Variants in SPEN observed in about 807,000 individuals in gnomAD.
SPEN encodes spen family transcriptional repressor.
Under a neutral mutation model 269.9 loss-of-function variants are expected in SPEN, and 18 were observed. That is an observed-to-expected ratio of 0.07 (90% CI 0.05 to 0.10). The LOEUF (loss-of-function observed/expected upper bound fraction) is 0.10, where lower values mean the gene tolerates loss of function less well. SPEN is among the 10% of genes least tolerant of loss of function. The pLI, the probability that SPEN is intolerant of heterozygous loss-of-function variation, is 1.00. For synonymous variants in SPEN, 1,726 were observed against 1,765.7 expected, an observed-to-expected ratio of 0.98 and a Z score of 0.56; for missense variants, 3,822 against 4,631.2, an observed-to-expected ratio of 0.83 and a Z score of 5.07.
Position 15,935,609 on chromosome 1 carries a change from G to C in SPEN, c.9369G>C (p.Pro3123=). 6.2e-7 allele frequency: 1 copy of C among 1,614,060 alleles called. No individual in the cohort carries two copies. Among genetic ancestry groups the C allele is most frequent in the Non-Finnish European group, 8.5e-7 (1 of 1,179,990 alleles). ...AAGCGCTTCACTCTCCTCGGGCTCC[G>C]CTGCAGCCCCAGCAAATAGAGGTCA... The part of the protein sequence containing the change: ...RPEALHSPRA[P]LQPQQIEVRA... Residue 3123 remains proline, a synonymous_variant, in exon 11 of 15, where the codon CCG becomes CCC. Transcript: ENST00000375759. The surrounding 1 kb of genome is among the most constrained non-coding windows in gnomAD (Gnocchi z 7.7).
At chr1:15,916,948 T>C (rs915871384) in intron 6 of SPEN, among the ~76,000 whole-genome samples, 2 of 152,120 alleles carry the variant, frequency 1.3e-5, no homozygotes, top group Admixed American at 1.3e-4. Context: ...GGCAACATGG[T>C]GAAACCCTGT....
At chr1:15,864,607 G>GATTTTTTTT (rs2070481019) in intron 1 of SPEN, among the ~76,000 whole-genome samples, 1 of 82,612 alleles carries the variant, frequency 1.2e-5, no homozygotes, top group South Asian at 3.7e-4. Flanking sequence ...AGGTTTGTGG[G>GATTTTTTTT]TTTTTTTTTT....
Position 15,939,314 on chromosome 1 carries a change from A to G in SPEN, c.10882A>G (p.Ile3628Val). 1.3e-6 allele frequency: 2 copies of G among 1,593,930 alleles called. No homozygotes were observed. Among genetic ancestry groups the G allele is most frequent in the Non-Finnish European group, 1.7e-6 (2 of 1,169,848 alleles). ...GSNQPAYVLQ[I>V]FPPCEFSESH... ...TCTCCAGCCTGCCTACGTGCTGCAG[A>G]TCTTCCCGCCCTGTGAGTTCTCTGA... Residue 3628 changes from isoleucine (I) to valine (V), a missense_variant, in exon 15 of 15, where the codon ATC becomes GTC. By Grantham distance (29) the Ile-to-Val change is conservative (BLOSUM62 3). Coordinates refer to ENST00000375759, the MANE Select transcript of SPEN (RefSeq NM_015001.3). The surrounding 1 kb of genome is among the most constrained non-coding windows in gnomAD (Gnocchi z 4.1).
At chr1:15,905,571 T>C (rs1341053791) in intron 3 of SPEN, among the ~76,000 whole-genome samples, 1 of 151,718 alleles carries the variant, frequency 6.6e-6, no homozygotes, top group Non-Finnish European at 1.5e-5. Flanking sequence ...GCCTTATTAA[T>C]GATTTCTTTT....
intron 1 of SPEN, among the ~76,000 whole-genome samples, chr1:15,864,102 T>G (rs906150776): frequency 6.6e-6 from 1 of 151,828 alleles, no homozygotes; most frequent in Admixed American, 6.6e-5. Context: ...CTGTATGATA[T>G]ACATATATGA....
chr1:15,854,974 A>G (rs2070371065), intron 1 of SPEN, among the ~76,000 whole-genome samples: 1 of 152,192 alleles, frequency 6.6e-6, no homozygotes, highest in Admixed American at 6.5e-5. Flanking sequence ...TGGCTCTATA[A>G]AATCCTAACT....
At chr1:15,915,890 T>C (rs1239633050) in intron 5 of SPEN, among the ~76,000 whole-genome samples, 1 of 150,992 alleles carries the variant, frequency 6.6e-6, no homozygotes, top group Non-Finnish European at 1.5e-5. Context: ...TTAAACAAAG[T>C]GTTACTTTAG....
intron 10 of SPEN, among the ~76,000 whole-genome samples, chr1:15,927,757 T>C (rs1376568653): frequency 6.6e-6 from 1 of 152,224 alleles, no homozygotes; most frequent in African/African-American, 2.4e-5. Context: ...AATTTTAAAT[T>C]TTCTAGTAGC....
intron 3 of SPEN, among the ~76,000 whole-genome samples, chr1:15,902,008 A>G (rs2070906576): frequency 6.8e-6 from 1 of 147,088 alleles, no homozygotes; most frequent in Admixed American, 7.0e-5. Flanking sequence ...GGCTCGCTGC[A>G]ACCTCCACTT....
Position 15,929,129 on chromosome 1 carries a change from C to T in SPEN, c.2889C>T (p.His963=). The T allele has an allele frequency of 3.1e-6, 5 of 1,614,182 alleles. No homozygotes were observed. The South Asian group carries it at 3.3e-5, about 11-fold the overall frequency. ...EKEGRLKARK[H]LKPEQPADGV... ...AAGGCAGGCTTAAAGCCAGGAAGCA[C>T]CTCAAGCCTGAGCAGCCTGCAGATG... The change falls in exon 11 of 15, where the codon CAC becomes CAT. Residue 963 remains histidine, a synonymous_variant. Coordinates refer to ENST00000375759, the MANE Select transcript of SPEN (RefSeq NM_015001.3). This position sits in a 1 kb window ranked among gnomAD's most constrained non-coding sequence, Gnocchi z 5.8.
At chr1:15,872,713 C>CAAAAA (rs1557738609) in intron 1 of SPEN, 103 bp from the exon 2 acceptor site, 1 of 745,980 alleles carries the variant, frequency 1.3e-6, no homozygotes, top group East Asian at 2.7e-5. Flanking sequence ...TTTTGCAGGT[C>CAAAAA]GTCCCTCCTA....
intron 3 of SPEN, among the ~76,000 whole-genome samples, chr1:15,882,884 G>A (rs1465215173): frequency 1.3e-5 from 2 of 152,110 alleles, no homozygotes; most frequent in African/African-American, 2.4e-5. Context: ...AGCATCACAG[G>A]CCACAGCCCC....
At chr1:15,890,931 A>AT (rs1179267151) in intron 3 of SPEN, among the ~76,000 whole-genome samples, 9 of 152,124 alleles carry the variant, frequency 5.9e-5, no homozygotes, top group Non-Finnish European at 1.3e-4. Flanking sequence ...GTGTTATAGC[A>AT]TTGATCAGTA....
intron 4 of SPEN, among the ~76,000 whole-genome samples, chr1:15,910,554 C>G (rs946482239): frequency 2.6e-5 from 4 of 151,804 alleles, no homozygotes; most frequent in African/African-American, 9.7e-5. Flanking sequence ...ATATAATATC[C>G]AAGATTCAGA....
At chr1:15,906,773 C>CTTTTTTT (rs1229092780) in intron 3 of SPEN, among the ~76,000 whole-genome samples, 29 of 96,512 alleles carry the variant, frequency 3.0e-4, no homozygotes, top group Non-Finnish European at 4.5e-4. Flanking sequence ...ATGTTTTCAT[C>CTTTTTTT]TTTTTTTTTT....
rs747161799 is a variant in SPEN, at chr1:15,935,623, A to C, written c.9383A>C (p.Gln3128Pro). 1.2e-6 allele frequency: 2 copies of C among 1,614,084 alleles called. No homozygotes were observed. The highest frequency in any genetic ancestry group is 2.2e-5 in the South Asian group (2 of 91,084). ...HSPRAPLQPQ[Q>P]IEVRAPQRAS... The stretch of plus-strand genomic sequence containing the variant: ...CCTCGGGCTCCGCTGCAGCCCCAGC[A>C]AATAGAGGTCAGGGCCCCACAGCGT... Residue 3128 changes from glutamine to proline, a missense_variant, in exon 11 of 15, where the codon CAA becomes CCA. Gln to Pro is a moderately conservative substitution (Grantham distance 76). Coordinates refer to ENST00000375759, the MANE Select transcript of SPEN (RefSeq NM_015001.3). The surrounding 1 kb of genome is among the most constrained non-coding windows in gnomAD (Gnocchi z 7.7).
In SPEN at chr1:15,939,112, G is replaced by A. The variant is rs889830061; in HGVS notation, c.10864-184G>A. On this transcript the variant is annotated intron_variant, in intron 14 of 14. Coordinates refer to ENST00000375759, the MANE Select transcript of SPEN (RefSeq NM_015001.3). The surrounding 1 kb of genome is among the most constrained non-coding windows in gnomAD (Gnocchi z 4.1). ...GAGTTTAAAGATAGGGCCCCAGGGG[G>A]TTCCTGTTTATAGTTTTCTGACACC... Among the ~76,000 whole-genome samples, 6 of 152,316 alleles carry A rather than the reference G, an allele frequency of 3.9e-5. No homozygotes were observed. The highest frequency in any genetic ancestry group is 1.4e-4 in the African/African-American group (6 of 41,580).
In SPEN at chr1:15,870,756, A is replaced by AGGC. The variant is rs72506930; in HGVS notation, c.84-2059_84-2058insGCG. ...TTGAATGTAGTCACTTCTAGAAAGG[A>AGGC]GTATTGAGAGAATTCCTTGGATTTT... On this transcript the variant is annotated intron_variant, in intron 1 of 14. Transcript: ENST00000375759. Among the ~76,000 whole-genome samples, 11 of 150,962 alleles carry AGGC rather than the reference A, an allele frequency of 7.3e-5. 1 individual carries two copies. The South Asian group carries it at 2.3e-3, about 32-fold the overall frequency.
intron 5 of SPEN, among the ~76,000 whole-genome samples, chr1:15,914,211 A>C (rs1327804007): frequency 2.0e-5 from 3 of 152,196 alleles, no homozygotes. Flanking sequence ...CTACCATTGG[A>C]GCCATCAGTC....
Sources: gnomAD v4.1 joint callset for allele counts (sites outside exome capture counted in the v4.1 genomes callset) on GRCh38, gnomAD v4.1.1 for gene constraint, Gnocchi (gnomAD v3.1) non-coding constraint, MANE v1.5 for transcripts, NCBI Gene and HGNC (gene_info 2026-07-23, HGNC 2026-07-21) for gene names.